DNMBP: variants seen among roughly 807,000 people sequenced by gnomAD.
DNMBP encodes the protein dynamin binding protein, also known as dynamin-binding protein.
A neutral mutation model predicts 150.0 loss-of-function variants in DNMBP; 87 were observed. The observed-to-expected ratio is 0.58, with a 90% CI of 0.49 to 0.69. The LOEUF (loss-of-function observed/expected upper bound fraction) is 0.69. Among genes scored for constraint, DNMBP ranks in the 30% least tolerant of loss-of-function variants. DNMBP has a pLI of 0.00. For missense variants in DNMBP, 1,774 were observed against 1,949.0 expected, an observed-to-expected ratio of 0.91 and a Z score of 1.69; for synonymous variants, 711 against 750.4, an observed-to-expected ratio of 0.95 and a Z score of 0.86.
rs35462310 is a variant in DNMBP at position 99,903,101 on chromosome 10, A to ATTTTT, written c.2555-3040_2555-3036dup. Among the ~76,000 whole-genome samples, 2 of 134,418 alleles carry ATTTTT rather than the reference A, an allele frequency of 1.5e-5. 1 individual carries two copies. Among genetic ancestry groups the ATTTTT allele is most frequent in the African/African-American group, 5.5e-5 (2 of 36,072 alleles). 88.2% of individuals were successfully genotyped at this position (134,418 alleles called of 152,430 possible). ...AGGTATGTGCTACCACACCTGGGCA[A>ATTTTT]TTTTTTTTTTTTTTTTTTTTGTAGA... On this transcript the variant is annotated intron_variant, in intron 6 of 16. Transcript: ENST00000324109.
chr10:99,987,503 G>A (rs1309284593), intron 1 of DNMBP, among the ~76,000 whole-genome samples: 1 of 152,178 alleles, frequency 6.6e-6, no homozygotes, highest in Non-Finnish European at 1.5e-5. Context: ...GGAGTCCAAG[G>A]CAGGTGGATC....
At chr10:99,914,119 A>AC in intron 4 of DNMBP, 1 of 1,346,808 alleles carries the variant, frequency 7.4e-7, no homozygotes, top group Non-Finnish European at 9.6e-7. Flanking sequence ...CGCGCAAGTC[A>AC]CCCGGGCTAT....
intron 15 of DNMBP, among the ~76,000 whole-genome samples, chr10:99,881,718 T>A (rs2039369614): frequency 6.6e-6 from 1 of 152,238 alleles, no homozygotes; most frequent in Non-Finnish European, 1.5e-5. Flanking sequence ...AGCTGTCACC[T>A]GATGTCACCC....
intron 4 of DNMBP, among the ~76,000 whole-genome samples, chr10:99,913,100 G>A (rs548522190): frequency 6.6e-6 from 1 of 152,098 alleles, no homozygotes; most frequent in Non-Finnish European, 1.5e-5. Flanking sequence ...TTCAAGACCA[G>A]CCTGGGCAAT....
intron 3 of DNMBP, among the ~76,000 whole-genome samples, chr10:99,961,297 A>T: frequency 8.8e-6 from 1 of 113,496 alleles, no homozygotes; most frequent in African/African-American, 3.5e-5. Context: ...TTTTGTGGAG[A>T]CAGGGTCTCA....
At chr10:99,983,490 G>A (rs1194025324) in intron 1 of DNMBP, among the ~76,000 whole-genome samples, 1 of 152,204 alleles carries the variant, frequency 6.6e-6, no homozygotes, top group East Asian at 1.9e-4. Context: ...TGGACAGAAG[G>A]TCAGCAGTCA....
chr10:99,907,463 C>T (rs939288452), intron 6 of DNMBP, among the ~76,000 whole-genome samples: 4 of 149,614 alleles, frequency 2.7e-5, no homozygotes, highest in East Asian at 4.0e-4. Flanking sequence ...TGGCTCGTGG[C>T]GCGATTTCAG....
intron 9 of DNMBP, 109 bp downstream of exon 9, chr10:99,897,974 CTAT>C: frequency 1.2e-6 from 1 of 843,112 alleles, no homozygotes; most frequent in Non-Finnish European, 2.0e-6. Flanking sequence ...CATCACAGCC[CTAT>C]TATACCTACC....
Position 99,970,738 on chromosome 10 carries a change from C to T in DNMBP, c.145+1242G>A, listed in dbSNP as rs902894217. ...CTGTAATCCCAGCACTTTGGGAGGC[C>T]GAGGCAGGCGGATCATGACGTCAGG... On this transcript the variant is annotated intron_variant, in intron 2 of 16. Transcript: ENST00000324109. Among the ~76,000 whole-genome samples, 14 of 151,578 alleles carry T rather than the reference C, an allele frequency of 9.2e-5. No individual in the cohort carries two copies. The East Asian group carries it at 1.5e-3, about 17-fold the overall frequency.
intron 3 of DNMBP, among the ~76,000 whole-genome samples, chr10:99,966,122 T>C (rs2133347355): frequency 2.6e-5 from 4 of 152,264 alleles, no homozygotes; most frequent in Admixed American, 2.6e-4. Flanking sequence ...ATTGCATAGG[T>C]ATAACTAACT....
Position 99,898,283 on chromosome 10 carries a change from C to A in DNMBP, c.2723G>T (p.Gly908Val), listed in dbSNP as rs765546067. 38 of 1,612,106 alleles carry A rather than the reference C, an allele frequency of 2.4e-5. No homozygotes were observed. In the Admixed American group the frequency reaches 6.3e-4, roughly 27 times the overall value. ...ADLKSLYNEW[G>V]CTNYINLGSF... is the part of the protein sequence containing the mutation. ...GCCCAGGTTAATATAATTTGTGCAT[C>A]CCCTGTAAGAGAAGGAAAAAAGACT... The change falls in exon 9 of 17, where the codon GGA (glycine) becomes GTA (valine). Residue 908 changes from glycine to valine, a missense_variant and splice_region_variant. Gly to Val is a moderately radical substitution (Grantham distance 109). Transcript: ENST00000324109.
intron 1 of DNMBP, among the ~76,000 whole-genome samples, chr10:99,995,827 A>G (rs540896494): frequency 1.8e-3 from 280 of 152,392 alleles, no homozygotes; most frequent in African/African-American, 5.7e-3. Flanking sequence ...TTGCCAAAAT[A>G]ATAAACACGT....
chr10:99,894,981 TA>T lies in DNMBP; in HGVS notation c.3120del (p.Phe1040LeufsTer18). 1 of 1,614,124 alleles carries T rather than the reference TA, an allele frequency of 6.2e-7. No individual in the cohort carries two copies. Among genetic ancestry groups the T allele is most frequent in the Non-Finnish European group, 8.5e-7 (1 of 1,179,970 alleles). The stretch of plus-strand genomic sequence containing the variant: ...TGGAGGTAGAGAGACAGGTCTCGGA[TA>T]AAAGACTTAATCAATCTTTCTTGCA... The part of the protein sequence containing the change: ...FRMQERLIKS[F>X]IRDLSLYLQH... On this transcript the variant is annotated frameshift_variant, in exon 11 of 17. Transcript: ENST00000324109. LOFTEE classifies it high-confidence loss of function.
rs2040651067 is a variant in DNMBP, at chr10:99,969,213, TC to T, written c.169del (p.Glu57LysfsTer3). On this transcript the variant is annotated frameshift_variant, in exon 3 of 17. Transcript: ENST00000324109. LOFTEE classifies it high-confidence loss of function. The part of the protein sequence containing the change: ...VTGQFPSSFV[E>X]IVTIPSLKEG... ...TTTTAGACTGGGAATGGTCACAATT[TC>T]CACAAAACTGCTGGGGAATTGTCCT... 3 of 1,614,070 alleles carry T rather than the reference TC, an allele frequency of 1.9e-6. No individual in the cohort carries two copies. Among genetic ancestry groups the T allele is most frequent in the Non-Finnish European group, 2.5e-6 (3 of 1,179,932 alleles).
chr10:99,925,604 G>A (rs1003602833), intron 4 of DNMBP, among the ~76,000 whole-genome samples: 1 of 151,914 alleles, frequency 6.6e-6, no homozygotes, highest in Admixed American at 6.6e-5. Flanking sequence ...TTGTACACAG[G>A]GGGTTTCACC....
At chr10:99,959,867 C>CA (rs897497956) in intron 3 of DNMBP, among the ~76,000 whole-genome samples, 46 of 49,358 alleles carry the variant, frequency 9.3e-4, no homozygotes, top group East Asian at 1.4e-3. Context: ...AAAAAAAAAA[C>CA]AAAAAAAAAA....
At chr10:99,917,265 G>A (rs1380950952) in intron 4 of DNMBP, among the ~76,000 whole-genome samples, 1 of 152,136 alleles carries the variant, frequency 6.6e-6, no homozygotes, top group Non-Finnish European at 1.5e-5. Context: ...GCTGAGACAG[G>A]AGAATCACCT....
intron 3 of DNMBP, among the ~76,000 whole-genome samples, chr10:99,960,588 C>A (rs573621588): frequency 4.0e-4 from 61 of 152,290 alleles, no homozygotes; most frequent in African/African-American, 1.4e-3. Flanking sequence ...CGCAGGATCA[C>A]CTCAGGTCAG....
At chr10:99,894,398 G>C (rs755464970) in intron 11 of DNMBP, among the ~76,000 whole-genome samples, 1 of 152,208 alleles carries the variant, frequency 6.6e-6, no homozygotes, top group Non-Finnish European at 1.5e-5. Context: ...AGCATTGCTT[G>C]AGGCAAGGAA....
Sources: gnomAD v4.1 joint callset for allele counts (sites outside exome capture counted in the v4.1 genomes callset) on GRCh38, gnomAD v4.1.1 for gene constraint, MANE v1.5 for transcripts, NCBI Gene and HGNC (gene_info 2026-07-23, HGNC 2026-07-21) for gene names.